B4GALT6: variants seen among roughly 807,000 people sequenced by gnomAD.
B4GALT6 encodes the protein UDP-Gal:beta-GlcNAc beta-1,4-galactosyltransferase 6.
B4GALT6 carries 14 observed loss-of-function variants against 46.3 expected under a neutral mutation model. The ratio of observed to expected loss-of-function variants is 0.30; its 90% CI spans 0.20 to 0.47. The LOEUF (loss-of-function observed/expected upper bound fraction) is 0.47, where lower values mean the gene tolerates loss of function less well. Among genes scored for constraint, B4GALT6 ranks in the 20% least tolerant of loss-of-function variants. B4GALT6 has a pLI of 0.99. For missense variants in B4GALT6, 386 were observed against 480.1 expected (o/e 0.80, Z 1.83); for synonymous variants, 168 against 162.0 (o/e 1.04, Z -0.28).
At chr18:31,679,058 A>C (rs1197158941) in intron 1 of B4GALT6, among the ~76,000 whole-genome samples, 1 of 152,270 alleles carries the variant, frequency 6.6e-6, no homozygotes, top group Non-Finnish European at 1.5e-5. Flanking sequence ...TATTACACAC[A>C]GACACTACAA....
the B4GALT6 span, among the ~76,000 whole-genome samples, chr18:31,712,649 A>C: frequency 6.6e-6 from 1 of 152,124 alleles, no homozygotes; most frequent in African/African-American, 2.4e-5. Context: ...TGCCTTGCTC[A>C]CATAGTATCT....
chr18:31,685,641 C>T (rs2074540351), upstream of B4GALT6: 1 of 152,356 alleles, frequency 6.6e-6, no homozygotes, highest in Admixed American at 6.5e-5. Context: ...CCGGGGACCC[C>T]GCGGTGACCG....
intron 1 of B4GALT6, among the ~76,000 whole-genome samples, chr18:31,678,334 C>CCT (rs763624096): frequency 2.0e-5 from 3 of 150,676 alleles, no homozygotes; most frequent in East Asian, 3.9e-4. Context: ...CTTTTTTTTT[C>CCT]CTCTCTCTCT....
intron 3 of B4GALT6, among the ~76,000 whole-genome samples, chr18:31,646,676 T>C (rs1394315928): frequency 6.6e-6 from 1 of 152,204 alleles, no homozygotes; most frequent in Non-Finnish European, 1.5e-5. Flanking sequence ...CACAATTTCA[T>C]ATAAAAACAC....
At chr18:31,646,678 T>C (rs1403626096) in intron 3 of B4GALT6, among the ~76,000 whole-genome samples, 1 of 152,194 alleles carries the variant, frequency 6.6e-6, no homozygotes, top group African/African-American at 2.4e-5. Flanking sequence ...CAATTTCATA[T>C]AAAAACACTC....
intron 1 of B4GALT6, 150 bp downstream of exon 1, chr18:31,684,162 G>A (rs1598939832): frequency 1.5e-6 from 2 of 1,317,942 alleles, no homozygotes; most frequent in Non-Finnish European, 2.0e-6. Flanking sequence ...CCCTGAAGCA[G>A]TTTGACACGT....
chr18:31,635,250 A>C (rs6506933), intron 5 of B4GALT6, among the ~76,000 whole-genome samples: 85,182 of 148,166 alleles, frequency 0.57, 25,889 homozygotes, highest in African/African-American at 0.81. Context: ...AACAAACAAA[A>C]AAAAAAAAAA....
the B4GALT6 span, chr18:31,719,115 T>A: frequency 1.3e-5 from 2 of 152,206 alleles, no homozygotes; most frequent in Non-Finnish European, 2.9e-5. Flanking sequence ...TGCTAGAACC[T>A]CCAAACAAGC....
chr18:31,684,559 G>T lies in B4GALT6; in HGVS notation c.-133C>A. 2.8e-6 allele frequency: 4 copies of T among 1,443,582 alleles called. No homozygotes were observed. Among genetic ancestry groups the T allele is most frequent in the Non-Finnish European group, 3.7e-6 (4 of 1,094,842 alleles). The allele number at this position is 1,443,582 out of a possible 1,614,324, so 89.4% of individuals were successfully genotyped here. On this transcript the variant is annotated 5_prime_UTR_variant, in exon 1 of 9. Transcript: ENST00000306851. ...GGGGTCCGCGCGGGGAGGCTCTGGG[G>T]AGAGGGCCCGAGCGGAAAAGAGGAA...
chr18:31,638,295 AG>A (rs536811744), intron 5 of B4GALT6, among the ~76,000 whole-genome samples: 2 of 152,108 alleles, frequency 1.3e-5, no homozygotes, highest in African/African-American at 4.8e-5. Context: ...TAGGAGGCCG[AG>A]GGGGGTGGAT....
At chr18:31,681,974 CTAGT>C (rs2074485046) in intron 1 of B4GALT6, among the ~76,000 whole-genome samples, 1 of 152,108 alleles carries the variant, frequency 6.6e-6, no homozygotes, top group African/African-American at 2.4e-5. Flanking sequence ...CGAATAAAAA[CTAGT>C]TATAAGAACC....
intron 5 of B4GALT6, among the ~76,000 whole-genome samples, chr18:31,637,503 G>C (rs763423995): frequency 2.2e-4 from 24 of 111,518 alleles, no homozygotes; most frequent in Non-Finnish European, 3.6e-4. Flanking sequence ...TACCAAGAAA[G>C]ATGACTTTGA....
chr18:31,684,831 G>A (rs2144765369), upstream of B4GALT6: 2 of 926,584 alleles, frequency 2.2e-6, no homozygotes, highest in Non-Finnish European at 1.3e-6. Flanking sequence ...GAGAGGGGCA[G>A]CTAACTGCAG....
upstream of B4GALT6, among the ~76,000 whole-genome samples, chr18:31,689,328 G>A (rs915751813): frequency 2.0e-5 from 3 of 152,160 alleles, no homozygotes; most frequent in Non-Finnish European, 4.4e-5. Flanking sequence ...AACTATGGGG[G>A]TGGAAGGTGG....
intron 1 of B4GALT6, among the ~76,000 whole-genome samples, chr18:31,672,069 C>T (rs2074363018): frequency 6.6e-6 from 1 of 152,242 alleles, no homozygotes; most frequent in South Asian, 2.1e-4. Context: ...CCCCTTTCCA[C>T]ATCCAGCTTT....
At chr18:31,699,277 T>TC in the B4GALT6 span, among the ~76,000 whole-genome samples, 7,356 of 90,050 alleles carry the variant, frequency 0.082, 249 homozygotes, top group African/African-American at 0.25. Flanking sequence ...TTTCTTTCTT[T>TC]TTTTTTTTTT....
chr18:31,699,079 C>CAA, the B4GALT6 span, among the ~76,000 whole-genome samples: 1 of 82,300 alleles, frequency 1.2e-5, no homozygotes, highest in Non-Finnish European at 2.4e-5. Flanking sequence ...GACTCTGTCT[C>CAA]AAAAAAAAAA....
the B4GALT6 span, among the ~76,000 whole-genome samples, chr18:31,699,031 C>A: frequency 6.7e-6 from 1 of 148,830 alleles, no homozygotes; most frequent in African/African-American, 2.5e-5. Context: ...GGCACCACTG[C>A]AGCCTGGGTG....
chr18:31,721,882 G>C, the B4GALT6 span, among the ~76,000 whole-genome samples: 86,100 of 147,974 alleles, frequency 0.58, 25,478 homozygotes, highest in Non-Finnish European at 0.67. Context: ...CTCTCTCTCT[G>C]TGTGTGTATG....
Sources: allele counts gnomAD v4.1 joint callset (sites outside exome capture counted in the v4.1 genomes callset), GRCh38; gene constraint gnomAD v4.1.1; transcripts MANE v1.5; gene names NCBI Gene and HGNC (gene_info 2026-07-23, HGNC 2026-07-21).